Variants in CHD9NB observed in about 807,000 individuals in gnomAD.
CHD9NB encodes CHD9 neighbor.
chr16:53,040,395 T>G, the CHD9NB span, among the ~76,000 whole-genome samples: 3 of 152,158 alleles, frequency 2.0e-5, no homozygotes, highest in African/African-American at 7.2e-5. Context: ...TTTTTACTTG[T>G]CAAGGTTTAC....
the CHD9NB span, chr16:53,042,769 C>T: frequency 6.6e-6 from 1 of 152,230 alleles, no homozygotes; most frequent in Non-Finnish European, 1.5e-5. Flanking sequence ...TCAGTTTAAT[C>T]ATGAGAAAGG....
chr16:53,044,738 G>C, the CHD9NB span, among the ~76,000 whole-genome samples: 1 of 152,144 alleles, frequency 6.6e-6, no homozygotes, highest in Admixed American at 6.5e-5. Flanking sequence ...TCTGTGCCAA[G>C]AACAGTTCAC....
chr16:53,045,161 C>T, the CHD9NB span, among the ~76,000 whole-genome samples: 1 of 152,108 alleles, frequency 6.6e-6, no homozygotes. Flanking sequence ...GGGGTTCTCA[C>T]TTTGTTGCCC....
the CHD9NB span, among the ~76,000 whole-genome samples, chr16:53,046,571 G>A: frequency 6.6e-6 from 1 of 151,804 alleles, no homozygotes; most frequent in Admixed American, 6.6e-5. Flanking sequence ...TGTAGTCCCA[G>A]CTACTTGGGA....
At chr16:53,040,373 C>T in the CHD9NB span, among the ~76,000 whole-genome samples, 1 of 152,046 alleles carries the variant, frequency 6.6e-6, no homozygotes, top group Non-Finnish European at 1.5e-5. Context: ...TGTGCCCAGC[C>T]CCTGATTTGA....
the CHD9NB span, among the ~76,000 whole-genome samples, chr16:53,049,970 G>A: frequency 2.3e-4 from 35 of 152,242 alleles, no homozygotes; most frequent in Non-Finnish European, 4.1e-4. Context: ...TTCGGAGGCC[G>A]AGGTGGGCGG....
At chr16:53,044,259 C>G in the CHD9NB span, 122,488 of 397,158 alleles carry the variant, frequency 0.31, 20,099 homozygotes, top group African/African-American at 0.49. Context: ...CATCCTCTTG[C>G]AGCACTGTTG....
the CHD9NB span, among the ~76,000 whole-genome samples, chr16:53,040,662 T>C: frequency 2.0e-5 from 3 of 152,314 alleles, no homozygotes; most frequent in African/African-American, 4.8e-5. Context: ...GAGTTTGGCA[T>C]AGAGTAGTTG....
the CHD9NB span, among the ~76,000 whole-genome samples, chr16:53,040,156 G>C: frequency 2.0e-5 from 3 of 151,872 alleles, no homozygotes; most frequent in Non-Finnish European, 4.4e-5. Flanking sequence ...TGCAACCTCC[G>C]CCTCCCAGAT....
chr16:53,046,017 C>T, the CHD9NB span, among the ~76,000 whole-genome samples: 1 of 152,184 alleles, frequency 6.6e-6, no homozygotes, highest in Non-Finnish European at 1.5e-5. Context: ...TTTCTTTGAA[C>T]AAGCTTCTTG....
the CHD9NB span, among the ~76,000 whole-genome samples, chr16:53,052,362 C>T: frequency 6.6e-6 from 1 of 152,010 alleles, no homozygotes; most frequent in African/African-American, 2.4e-5. Context: ...CAATGATCAC[C>T]TGGATGACAG....
chr16:53,041,359 G>A, the CHD9NB span, among the ~76,000 whole-genome samples: 4 of 152,246 alleles, frequency 2.6e-5, no homozygotes, highest in South Asian at 6.2e-4. Context: ...TAACGGGAAT[G>A]TCCTTAAAAG....
chr16:53,042,106 G>C, the CHD9NB span, among the ~76,000 whole-genome samples: 2 of 152,114 alleles, frequency 1.3e-5, no homozygotes, highest in Non-Finnish European at 2.9e-5. Flanking sequence ...AGTTTCTCAG[G>C]TTTTTATGGC....
At chr16:53,048,436 T>G in the CHD9NB span, among the ~76,000 whole-genome samples, 36 of 151,958 alleles carry the variant, frequency 2.4e-4, no homozygotes, top group African/African-American at 8.4e-4. Flanking sequence ...GGAAAGAAAA[T>G]AAAATAAAAA....
At chr16:53,049,314 C>T in the CHD9NB span, among the ~76,000 whole-genome samples, 1 of 141,426 alleles carries the variant, frequency 7.1e-6, no homozygotes, top group African/African-American at 2.8e-5. Flanking sequence ...TGCCACCACC[C>T]CCAGCTGTTG....
the CHD9NB span, among the ~76,000 whole-genome samples, chr16:53,047,515 T>C: frequency 1.3e-5 from 2 of 152,204 alleles, no homozygotes; most frequent in Non-Finnish European, 2.9e-5. Flanking sequence ...CTTCTCACTG[T>C]GTCCTCACAT....
the CHD9NB span, chr16:53,042,779 G>C: frequency 6.6e-6 from 1 of 152,198 alleles, no homozygotes; most frequent in South Asian, 2.1e-4. Context: ...CATGAGAAAG[G>C]CTCTCTGCTT....
At chr16:53,049,373 A>C in the CHD9NB span, among the ~76,000 whole-genome samples, 1 of 147,398 alleles carries the variant, frequency 6.8e-6, no homozygotes, top group Non-Finnish European at 1.5e-5. Context: ...CAGGGGTCTC[A>C]CTATGTTGCC....
At chr16:53,049,816 T>A in the CHD9NB span, among the ~76,000 whole-genome samples, 321 of 152,312 alleles carry the variant, frequency 2.1e-3, 2 homozygotes, top group Admixed American at 4.2e-3. Flanking sequence ...TGGGTTTGAA[T>A]ACCACCTCTA....
Sources: allele counts gnomAD v4.1 joint callset (sites outside exome capture counted in the v4.1 genomes callset), GRCh38; gene constraint gnomAD v4.1.1; transcripts MANE v1.5; gene names NCBI Gene and HGNC (gene_info 2026-07-23, HGNC 2026-07-21).